ZBTB7C: variants seen among roughly 807,000 people sequenced by gnomAD.
The protein encoded by ZBTB7C is zinc finger and BTB domain containing 7C.
Under a neutral mutation model 25.7 loss-of-function variants are expected in ZBTB7C, and 8 were observed. The ratio of observed to expected loss-of-function variants is 0.31; its 90% confidence interval spans 0.18 to 0.56. The LOEUF is 0.56. Among genes scored for constraint, ZBTB7C ranks in the 20% least tolerant of loss-of-function variants. The probability of loss-of-function intolerance (pLI) is 0.91; values close to 1 mark genes in which losing one functional copy is unlikely to be tolerated. For missense variants in ZBTB7C, 824 were observed against 855.2 expected, an observed-to-expected ratio of 0.96 and a Z score of 0.46; for synonymous variants, 394 against 369.0, an observed-to-expected ratio of 1.07 and a Z score of -0.78.
chr18:48,072,197 A>G (rs2037568035), intron 3 of ZBTB7C, among the ~76,000 whole-genome samples: 1 of 152,254 alleles, frequency 6.6e-6, no homozygotes, highest in South Asian at 2.1e-4. Flanking sequence ...CCCGACAGCC[A>G]TGATTTCTAG....
intron 3 of ZBTB7C, among the ~76,000 whole-genome samples, chr18:48,064,759 A>G (rs1342380295): frequency 2.6e-5 from 4 of 152,052 alleles, no homozygotes; most frequent in African/African-American, 9.7e-5. Flanking sequence ...AAAAAAGAAA[A>G]ATGGCAATAG....
intron 2 of ZBTB7C, among the ~76,000 whole-genome samples, chr18:48,219,622 T>C (rs2042904601): frequency 6.6e-6 from 1 of 152,128 alleles, no homozygotes; most frequent in Non-Finnish European, 1.5e-5. Flanking sequence ...CACAGAGGCT[T>C]AGAGGGCTGC....
chr18:48,183,440 C>T (rs546240139), intron 3 of ZBTB7C, among the ~76,000 whole-genome samples: 6 of 152,224 alleles, frequency 3.9e-5, no homozygotes, highest in East Asian at 1.9e-4. Context: ...AGCCTTGAGA[C>T]GATACTGTCT....
intron 3 of ZBTB7C, among the ~76,000 whole-genome samples, chr18:48,176,944 C>T (rs904851599): frequency 7.2e-5 from 11 of 152,222 alleles, no homozygotes; most frequent in South Asian, 2.1e-4. Flanking sequence ...TGACCTCTCG[C>T]GTCTCTGCTC....
chr18:48,160,176 A>G (rs1461539287), intron 3 of ZBTB7C, among the ~76,000 whole-genome samples: 1 of 152,200 alleles, frequency 6.6e-6, no homozygotes, highest in Admixed American at 6.5e-5. Context: ...CTGCTGGCCA[A>G]CTACCCTAGA....
intron 3 of ZBTB7C, among the ~76,000 whole-genome samples, chr18:48,073,527 T>C (rs527645195): frequency 6.6e-6 from 1 of 151,744 alleles, no homozygotes; most frequent in African/African-American, 2.4e-5. Flanking sequence ...GGCGCAGGGG[T>C]GCGGGCAGGT....
intron 3 of ZBTB7C, among the ~76,000 whole-genome samples, chr18:48,132,333 T>C (rs879725241): frequency 2.0e-5 from 3 of 152,220 alleles, no homozygotes; most frequent in Admixed American, 2.0e-4. Flanking sequence ...GACCACATAT[T>C]ATCTGATTCT....
intron 1 of ZBTB7C, among the ~76,000 whole-genome samples, chr18:48,353,500 T>C (rs1176119756): frequency 1.3e-5 from 2 of 152,152 alleles, no homozygotes; most frequent in African/African-American, 4.8e-5. Context: ...GTCAGAGTTT[T>C]TATCTGAGGA....
intron 1 of ZBTB7C, among the ~76,000 whole-genome samples, chr18:48,351,795 C>T (rs1210353257): frequency 1.3e-5 from 2 of 152,194 alleles, no homozygotes; most frequent in African/African-American, 4.8e-5. Context: ...AAAGAGTGCT[C>T]GTTCCCTCAC....
At chr18:48,299,889 T>C (rs995628800) in intron 2 of ZBTB7C, among the ~76,000 whole-genome samples, 5 of 152,246 alleles carry the variant, frequency 3.3e-5, no homozygotes, top group African/African-American at 1.2e-4. Context: ...AAAATGGATT[T>C]GTGGTTGCTT....
chr18:48,218,028 T>C (rs1363910092), intron 2 of ZBTB7C, among the ~76,000 whole-genome samples: 1 of 152,136 alleles, frequency 6.6e-6, no homozygotes, highest in East Asian at 1.9e-4. Flanking sequence ...TCAGGGAGAC[T>C]GCCACACCAC....
At chr18:48,038,251 C>T (rs965337200) in intron 4 of ZBTB7C, among the ~76,000 whole-genome samples, 3 of 152,148 alleles carry the variant, frequency 2.0e-5, no homozygotes, top group Admixed American at 1.3e-4. Flanking sequence ...GGGAACACAT[C>T]CTGGGTCTGT....
intron 3 of ZBTB7C, among the ~76,000 whole-genome samples, chr18:48,112,433 G>A (rs1225173776): frequency 1.3e-5 from 2 of 151,566 alleles, no homozygotes; most frequent in African/African-American, 4.9e-5. Flanking sequence ...CACAACCCCT[G>A]CCCTCCTGGG....
chr18:48,188,990 T>C (rs2145147461), intron 2 of ZBTB7C, among the ~76,000 whole-genome samples: 1 of 152,308 alleles, frequency 6.6e-6, no homozygotes, highest in Admixed American at 6.5e-5. Context: ...TGTCTGAAAA[T>C]CTGGTCTCTT....
intron 4 of ZBTB7C, among the ~76,000 whole-genome samples, chr18:48,037,419 CCTCCTATACAA>C (rs2036022197): frequency 6.6e-6 from 1 of 152,176 alleles, no homozygotes; most frequent in Non-Finnish European, 1.5e-5. Flanking sequence ...GGAATGTCAC[CCTCCTATACAA>C]CACAGCACTG....
intron 3 of ZBTB7C, among the ~76,000 whole-genome samples, chr18:48,133,105 G>A (rs542970427): frequency 3.9e-5 from 6 of 152,354 alleles, no homozygotes; most frequent in East Asian, 3.9e-4. Flanking sequence ...AGCTTGCTCC[G>A]GGGTTCCTGG....
intron 2 of ZBTB7C, among the ~76,000 whole-genome samples, chr18:48,320,444 C>T (rs544705943): frequency 2.0e-4 from 31 of 152,278 alleles, no homozygotes; most frequent in Non-Finnish European, 4.1e-4. Context: ...CTGTCCGCTG[C>T]GCCTAGGAGA....
At position 48,056,838 on chromosome 18, in the gene ZBTB7C, T is replaced by C. The variant is rs1005295637; in HGVS notation, c.-16-15715A>G. ...GCAAAGGAAAAATATTTTGCTAAGA[T>C]AGAAAACCCAGAAGTCATAAAAGAT... is the stretch of plus-strand genomic sequence containing the variant. On this transcript the variant is annotated intron_variant, in intron 3 of 4. Transcript: ENST00000590800. Among the ~76,000 whole-genome samples the C allele has an allele frequency of 3.9e-5, 6 of 152,088 alleles. No individual in the cohort carries two copies. The East Asian group carries it at 5.8e-4, about 15-fold the overall frequency.
At chr18:48,191,747 G>A (rs1176109722) in intron 2 of ZBTB7C, among the ~76,000 whole-genome samples, 1 of 152,226 alleles carries the variant, frequency 6.6e-6, no homozygotes, top group Admixed American at 6.5e-5. Flanking sequence ...GGGTTGTCCA[G>A]CTGAGAGTCT....
Sources: allele counts gnomAD v4.1 joint callset (sites outside exome capture counted in the v4.1 genomes callset), GRCh38; gene constraint gnomAD v4.1.1; transcripts MANE v1.5; gene names NCBI Gene and HGNC (gene_info 2026-07-23, HGNC 2026-07-21).